The following ZCCHC7 variants were observed in gnomAD, a reference collection of about 807,000 sequenced individuals.
ZCCHC7 encodes the protein zinc finger CCHC domain-containing protein 7.
Under a neutral mutation model 52.0 loss-of-function variants are expected in ZCCHC7, and 35 were observed. That is an observed-to-expected ratio of 0.67 (90% confidence interval 0.51 to 0.89). The LOEUF is 0.89. Ranked by LOEUF, ZCCHC7 falls within the 40% of genes least tolerant of loss-of-function variation. The probability of loss-of-function intolerance (pLI) is 0.00; values close to 1 mark genes in which losing one functional copy is unlikely to be tolerated. For missense variants in ZCCHC7, 574 were observed against 649.1 expected, an observed-to-expected ratio of 0.88 and a Z score of 1.26; for synonymous variants, 217 against 221.5, an observed-to-expected ratio of 0.98 and a Z score of 0.18.
chr9:37,172,730 C>T (rs992469077), intron 2 of ZCCHC7, among the ~76,000 whole-genome samples: 6 of 148,136 alleles, frequency 4.1e-5, no homozygotes, highest in Non-Finnish European at 7.4e-5. Context: ...CAGTGAGCAT[C>T]GTGGGCATTC....
intron 2 of ZCCHC7, among the ~76,000 whole-genome samples, chr9:37,205,776 A>C (rs1221270072): frequency 6.6e-6 from 1 of 152,166 alleles, no homozygotes; most frequent in Non-Finnish European, 1.5e-5. Flanking sequence ...TTGGCTTCCC[A>C]AAGTGCTGGG....
chr9:37,335,171 T>C (rs1324205142), intron 6 of ZCCHC7, among the ~76,000 whole-genome samples: 2 of 152,178 alleles, frequency 1.3e-5, no homozygotes, highest in African/African-American at 4.8e-5. Context: ...GTCTTAACTT[T>C]GTTTATACAA....
At chr9:37,265,668 A>C (rs1359513273) in intron 2 of ZCCHC7, among the ~76,000 whole-genome samples, 1 of 152,092 alleles carries the variant, frequency 6.6e-6, no homozygotes, top group Admixed American at 6.6e-5. Context: ...TTGCTTCTCT[A>C]AATTTCTTCC....
intron 3 of ZCCHC7, among the ~76,000 whole-genome samples, chr9:37,303,387 C>T (rs982002936): frequency 2.0e-5 from 3 of 151,018 alleles, no homozygotes; most frequent in African/African-American, 2.4e-5. Flanking sequence ...GATCACGCCA[C>T]TTCACTCCAG....
chr9:37,344,425 C>A (rs2118530962), intron 6 of ZCCHC7, among the ~76,000 whole-genome samples: 1 of 152,302 alleles, frequency 6.6e-6, no homozygotes, highest in African/African-American at 2.4e-5. Context: ...CCCTCCCTGT[C>A]CTCTAGAGCC....
At chr9:37,258,728 C>A in intron 2 of ZCCHC7, among the ~76,000 whole-genome samples, 1 of 132,008 alleles carries the variant, frequency 7.6e-6, no homozygotes, top group African/African-American at 3.1e-5. Context: ...TGCACTTTAG[C>A]CTGGGTGAGA....
At chr9:37,199,674 CTCTG>C (rs1421911800) in intron 2 of ZCCHC7, among the ~76,000 whole-genome samples, 127 of 68,618 alleles carry the variant, frequency 1.9e-3, no homozygotes, top group East Asian at 8.3e-3. Flanking sequence ...CTGTCTTTCT[CTCTG>C]TCTGTCTGTC....
intron 2 of ZCCHC7, among the ~76,000 whole-genome samples, chr9:37,210,267 C>T (rs6476618): frequency 0.95 from 144,852 of 152,278 alleles, 68,951 homozygotes; most frequent in South Asian, 0.98. Flanking sequence ...CCACTTGACA[C>T]GGAGAATGAC....
chr9:37,313,734 C>G (rs1301140477), intron 5 of ZCCHC7, among the ~76,000 whole-genome samples: 1 of 152,154 alleles, frequency 6.6e-6, no homozygotes, highest in Non-Finnish European at 1.5e-5. Flanking sequence ...CTCATTTGCT[C>G]TCTTTCTCTC....
At chr9:37,299,677 C>T (rs1034016291) in intron 2 of ZCCHC7, among the ~76,000 whole-genome samples, 2 of 152,166 alleles carry the variant, frequency 1.3e-5, no homozygotes, top group African/African-American at 2.4e-5. Context: ...AAACTGGAAC[C>T]TTGGAGCCAT....
rs1320955659 is a variant in ZCCHC7 at position 37,159,455 on chromosome 9, G to A, written c.610+32513G>A. Among the ~76,000 whole-genome samples the A allele has an allele frequency of 2.0e-5, 3 of 152,090 alleles. No homozygotes were observed. The East Asian group carries it at 5.8e-4, about 29-fold the overall frequency. On this transcript the variant is annotated intron_variant, in intron 2 of 8. Coordinates refer to ENST00000336755, the MANE Select transcript of ZCCHC7 (RefSeq NM_032226.3). ...AAATGTTAATTTTATTTTAACTTTA[G>A]TATTTCAAAACAAAGATGTTATTTT... is the stretch of plus-strand genomic sequence containing the variant.
At chr9:37,338,491 A>AT (rs1199379427) in intron 6 of ZCCHC7, among the ~76,000 whole-genome samples, 1 of 152,174 alleles carries the variant, frequency 6.6e-6, no homozygotes, top group Non-Finnish European at 1.5e-5. Context: ...GTGATTGGTC[A>AT]TTCGCAGCTT....
intron 2 of ZCCHC7, among the ~76,000 whole-genome samples, chr9:37,162,492 A>T (rs560767660): frequency 9.2e-5 from 14 of 152,172 alleles, no homozygotes; most frequent in Middle Eastern, 3.4e-3. Context: ...TACAGTAGGG[A>T]CCCTTCAGGA....
At chr9:37,184,122 C>T (rs1353376841) in intron 2 of ZCCHC7, among the ~76,000 whole-genome samples, 1 of 152,178 alleles carries the variant, frequency 6.6e-6, no homozygotes. Context: ...CTGACATTCA[C>T]ACTTGTTTGT....
chr9:37,171,609 G>A (rs1821733232), intron 2 of ZCCHC7, among the ~76,000 whole-genome samples: 1 of 151,826 alleles, frequency 6.6e-6, no homozygotes, highest in Non-Finnish European at 1.5e-5. Flanking sequence ...TTTTAGAGAT[G>A]GTGTCTTGTC....
At chr9:37,149,278 C>T (rs183872264) in intron 2 of ZCCHC7, among the ~76,000 whole-genome samples, 111 of 152,198 alleles carry the variant, frequency 7.3e-4, no homozygotes, top group African/African-American at 2.0e-3. Context: ...ATTTATAGTT[C>T]GGTGTTTCCA....
Position 37,357,349 on chromosome 9 carries a change from T to C in ZCCHC7, c.*81T>C, listed in dbSNP as rs572320563. 2.9e-5 allele frequency: 39 copies of C among 1,333,222 alleles called. No homozygotes were observed. The highest frequency in any genetic ancestry group is 5.9e-5 in the African/African-American group (4 of 67,846). 82.6% of individuals were successfully genotyped at this position (1,333,222 alleles called of 1,614,324 possible). A position where few individuals can be genotyped will look rare whatever the true frequency, so the allele number is the denominator to read the frequency against. On this transcript the variant is annotated 3_prime_UTR_variant, in exon 9 of 9. Transcript: ENST00000336755. Reference sequence around the variant, plus strand: ...TAACCTTCTGGCACTGTGTTTATTATCTATGATTAAATAAAGTGAGTTTTT... The same window carrying C: ...TAACCTTCTGGCACTGTGTTTATTACCTATGATTAAATAAAGTGAGTTTTT...
At chr9:37,272,878 A>G (rs56164589) in intron 2 of ZCCHC7, among the ~76,000 whole-genome samples, 2 of 152,172 alleles carry the variant, frequency 1.3e-5, no homozygotes, top group East Asian at 1.9e-4. Context: ...ATAGTATTCT[A>G]TTGTATGATT....
intron 5 of ZCCHC7, among the ~76,000 whole-genome samples, chr9:37,318,986 T>C (rs186249507): frequency 8.2e-4 from 124 of 151,682 alleles, no homozygotes; most frequent in African/African-American, 2.5e-3. Flanking sequence ...AAATATTTGC[T>C]CTTGTTATGT....
Sources: allele counts gnomAD v4.1 joint callset (sites outside exome capture counted in the v4.1 genomes callset), GRCh38; gene constraint gnomAD v4.1.1; transcripts MANE v1.5; gene names NCBI Gene and HGNC (gene_info 2026-07-23, HGNC 2026-07-21).